Variants in CES3 observed in about 807,000 individuals in gnomAD.
The protein encoded by CES3 is carboxylesterase 3, also known as carboxylesterase 3 (brain).
A neutral mutation model predicts 57.6 loss-of-function variants in CES3; 49 were observed. The observed-to-expected ratio is 0.85, with a 90% CI of 0.68 to 1.08. The LOEUF (loss-of-function observed/expected upper bound fraction) is 1.08. Ranked by LOEUF, CES3 falls within the 50% of genes least tolerant of loss-of-function variation. The pLI is 0.00. For missense variants in CES3, 645 were observed against 742.0 expected, an observed-to-expected ratio of 0.87 and a Z score of 1.52; for synonymous variants, 266 against 281.6, an observed-to-expected ratio of 0.94 and a Z score of 0.55.
rs1194030149 is a variant in CES3, at chr16:66,966,273, C to A, written c.849C>A (p.Ser283=). ...TCGCAAACACCTTGGCCTGCAGCTC[C>A]AGCTCCCCGGCTGAGATGGTGCAGT... ...QKIANTLACS[S]SSPAEMVQCL... The change falls in exon 7 of 13, where the codon TCC becomes TCA. Residue 283 remains serine (S), a synonymous_variant. Coordinates refer to ENST00000303334, the MANE Select transcript of CES3 (RefSeq NM_024922.6). 1 of 1,613,374 alleles carries A rather than the reference C, an allele frequency of 6.2e-7. No homozygotes were observed. The highest frequency in any genetic ancestry group is 8.5e-7 in the Non-Finnish European group (1 of 1,179,922).
Position 66,972,439 on chromosome 16 carries a change from G to A in CES3, c.1375G>A (p.Asp459Asn), listed in dbSNP as rs1963851453. ...GATCAAACCTGCCTGGGTGAAGGCT[G>A]ATCATGGGGCCGAGGGTGCTTTTGT... ...AKIKPAWVKA[D>N]HGAEGAFVFG... Residue 459 changes from aspartate to asparagine, a missense_variant, in exon 11 of 13, where the codon GAT becomes AAT. Coordinates refer to ENST00000303334, the MANE Select transcript of CES3 (RefSeq NM_024922.6). The A allele has an allele frequency of 1.2e-6, 2 of 1,614,146 alleles. No individual in the cohort carries two copies. The highest frequency in any genetic ancestry group is 8.5e-7 in the Non-Finnish European group (1 of 1,180,020).
chr16:66,967,721 C>T (rs1963757122), intron 8 of CES3: 25 of 984,886 alleles, frequency 2.5e-5, no homozygotes, highest in Non-Finnish European at 3.0e-5. Flanking sequence ...CATTGCACAC[C>T]CTAAGACAAA....
chr16:66,961,448 C>T (rs1963650499), intron 1 of CES3, 59 bp downstream of exon 1: 11 of 1,405,680 alleles, frequency 7.8e-6, no homozygotes, highest in Non-Finnish European at 1.1e-5. Context: ...AAGAGTGAGA[C>T]AGGGACAGGG....
Position 66,961,286 on chromosome 16 carries a change from T to C in CES3, c.-22T>C. 6.2e-7 allele frequency: 1 copy of C among 1,605,908 alleles called. No individual in the cohort carries two copies. ...ATCTTATTCCACCTTCTGAAGCTTC[T>C]GTCGAACCAGTTGTAAGGAGAATGG... On this transcript the variant is annotated 5_prime_UTR_variant, in exon 1 of 13. Transcript: ENST00000303334.
At position 66,972,337 on chromosome 16, in the gene CES3, T is replaced by C. The variant is rs1239449462; in HGVS notation, c.1292-19T>C. 6.4e-7 allele frequency: 1 copy of C among 1,570,342 alleles called. No homozygotes were observed. Among genetic ancestry groups the C allele is most frequent in the Non-Finnish European group, 8.6e-7 (1 of 1,157,156 alleles). On this transcript the variant is annotated intron_variant, in intron 10 of 12. Coordinates refer to ENST00000303334, the MANE Select transcript of CES3 (RefSeq NM_024922.6). ...TCAGGCCATGAGTGCCTAACTCCCA[T>C]CCCATCCTTTCTCTGTAGATTCTGG...
At chr16:66,969,985 A>T (rs1963803285) in intron 9 of CES3, among the ~76,000 whole-genome samples, 1 of 152,098 alleles carries the variant, frequency 6.6e-6, no homozygotes. Flanking sequence ...CATCGTCAAC[A>T]TGAAACTGCC....
At position 66,971,336 on chromosome 16, in the gene CES3, C is replaced by T. The variant is rs763380459; in HGVS notation, c.1291+17C>T. ...ACCTTCGAGGTAAGCCTGTCCCTGG[C>T]CACCTGCCCAACCCCTCCCACTTGG... On this transcript the variant is annotated intron_variant, in intron 10 of 12. Coordinates refer to ENST00000303334, the MANE Select transcript of CES3 (RefSeq NM_024922.6). The T allele has an allele frequency of 1.2e-6, 2 of 1,607,850 alleles. No homozygotes were observed. Among genetic ancestry groups the T allele is most frequent in the East Asian group, 2.2e-5 (1 of 44,738 alleles).
chr16:66,969,136 C>G (rs548038298), intron 8 of CES3, among the ~76,000 whole-genome samples: 1 of 150,892 alleles, frequency 6.6e-6, no homozygotes, highest in African/African-American at 2.4e-5. Context: ...CTGGGCCCGG[C>G]GGCTCATGCC....
rs144166705 is a variant in CES3, at chr16:66,972,934, G to A, written c.1601G>A (p.Arg534Gln). 34 of 1,614,006 alleles carry A rather than the reference G, an allele frequency of 2.1e-5. No homozygotes were observed. Among genetic ancestry groups the A allele is most frequent in the Admixed American group, 1.3e-4 (8 of 59,996 alleles). ...TATCTGGAGATCAACCCAGTGCCAC[G>A]GGCCGGACAGAAGTTCAGGGAGGCC... ...EQYLEINPVP[R>Q]AGQKFREAWM... Residue 534 changes from arginine to glutamine, a missense_variant, in exon 13 of 13, where the codon CGG (arginine) becomes CAG (glutamine). Arg to Gln is a conservative substitution (Grantham distance 43). Transcript: ENST00000303334.
chr16:66,969,538 T>C (rs1963793843), intron 8 of CES3, 141 bp from the exon 9 acceptor site: 1 of 716,260 alleles, frequency 1.4e-6, no homozygotes, highest in Non-Finnish European at 2.4e-6. Flanking sequence ...TTTGGATCTG[T>C]GGACTTTTCG....
In CES3 at chr16:66,972,687, G is replaced by A. The variant is rs377447761; in HGVS notation, c.1461G>A (p.Glu487=). The A allele has an allele frequency of 6.2e-7, 1 of 1,614,094 alleles. No individual in the cohort carries two copies. The highest frequency in any genetic ancestry group is 1.3e-5 in the African/African-American group (1 of 74,956). ...SSRLAFPEAT[E]EEKQLSLTMM... is the part of the protein sequence containing the mutation. ...TTCCAGCCTTTCCAGAGGCCACAGA[G>A]GAGGAGAAGCAGCTAAGCCTCACCA... The change falls in exon 12 of 13, where the codon GAG becomes GAA. Residue 487 remains glutamate (E), a synonymous_variant. Transcript: ENST00000303334.
chr16:66,972,549 T>C (rs1234479929), intron 11 of CES3, 44 bp downstream of exon 11: 9 of 1,605,798 alleles, frequency 5.6e-6, no homozygotes, highest in Non-Finnish European at 7.7e-6. Context: ...GCTGCCAGAC[T>C]CCAAGGGGCC....
rs369374312 is a variant in CES3 at position 66,966,509 on chromosome 16, C to T, written c.921+164C>T. On this transcript the variant is annotated intron_variant, in intron 7 of 12. Coordinates refer to ENST00000303334, the MANE Select transcript of CES3 (RefSeq NM_024922.6). ...GGAGACAGAAATGGAGGGCCATCTC[C>T]ATCCCCACAGCAGGCCTGTCTTCTA... 42 of 825,320 alleles carry T rather than the reference C, an allele frequency of 5.1e-5. No homozygotes were observed. The South Asian group carries it at 7.1e-4, about 14-fold the overall frequency. 51.1% of individuals were successfully genotyped at this position (825,320 alleles called of 1,614,324 possible).
In CES3 at chr16:66,972,739, C is replaced by T. The variant is rs780705221; in HGVS notation, c.1513C>T (p.Arg505Trp). 37 of 1,614,056 alleles carry T rather than the reference C, an allele frequency of 2.3e-5. No homozygotes were observed. Among genetic ancestry groups the T allele is most frequent in the Middle Eastern group, 1.6e-4 (1 of 6,084 alleles). The change falls in exon 12 of 13, where the codon CGG becomes TGG. Residue 505 changes from arginine (R) to tryptophan (W), a missense_variant. Coordinates refer to ENST00000303334, the MANE Select transcript of CES3 (RefSeq NM_024922.6). ...TMMAQWTHFA[R>W]TGDPNSKALP... ...GATGGCCCAGTGGACCCACTTTGCCCGGACAGGGTGAGTGAGTGACAGGGC... is the reference window on the plus strand; with the variant it reads ...GATGGCCCAGTGGACCCACTTTGCCTGGACAGGGTGAGTGAGTGACAGGGC...
intron 8 of CES3, chr16:66,967,698 T>A: frequency 1.0e-6 from 1 of 985,332 alleles, no homozygotes; most frequent in Non-Finnish European, 1.2e-6. Context: ...TTTTTTTTTT[T>A]TTCGTCTTGG....
Position 66,963,736 on chromosome 16 carries a change from G to A in CES3, c.427-66G>A. 3 of 1,609,912 alleles carry A rather than the reference G, an allele frequency of 1.9e-6. No homozygotes were observed. The highest frequency in any genetic ancestry group is 2.5e-6 in the Non-Finnish European group (3 of 1,176,686). On this transcript the variant is annotated intron_variant, in intron 3 of 12. Transcript: ENST00000303334. This position sits in a 1 kb window ranked among gnomAD's most constrained non-coding sequence, Gnocchi z 4.9. Reference sequence around the variant, plus strand: ...ACCCTAGCGGTCCTGAGACTGCCTGGGCTGGCAGGTGGGCAGCTAAGGTCT... The same window carrying A: ...ACCCTAGCGGTCCTGAGACTGCCTGAGCTGGCAGGTGGGCAGCTAAGGTCT...
intron 9 of CES3, 60 bp from the exon 10 acceptor site, chr16:66,971,112 T>C (rs1191307879): frequency 1.1e-5 from 17 of 1,545,844 alleles, no homozygotes; most frequent in Non-Finnish European, 1.4e-5. Flanking sequence ...TGGGGCTTCC[T>C]GGGATGGTCT....
At position 66,971,322 on chromosome 16, in the gene CES3, A is replaced by C. The variant is rs1378151802; in HGVS notation, c.1291+3A>C. 6.8e-6 allele frequency: 11 copies of C among 1,612,252 alleles called. No individual in the cohort carries two copies. The highest frequency in any genetic ancestry group is 8.5e-6 in the Non-Finnish European group (10 of 1,178,874). On this transcript the variant is annotated splice_donor_region_variant and intron_variant, in intron 10 of 12. Coordinates refer to ENST00000303334, the MANE Select transcript of CES3 (RefSeq NM_024922.6). Reference sequence around the variant, plus strand: ...CAGTTTTTCAAGATACCTTCGAGGTAAGCCTGTCCCTGGCCACCTGCCCAA... The same window carrying C: ...CAGTTTTTCAAGATACCTTCGAGGTCAGCCTGTCCCTGGCCACCTGCCCAA...
chr16:66,965,711 T>C (rs927337576), intron 6 of CES3, among the ~76,000 whole-genome samples: 2 of 152,104 alleles, frequency 1.3e-5, no homozygotes, highest in African/African-American at 2.4e-5. Flanking sequence ...AAGGCTGAGG[T>C]TGGCGGATCA....
Sources: allele counts gnomAD v4.1 joint callset (sites outside exome capture counted in the v4.1 genomes callset), GRCh38; gene constraint gnomAD v4.1.1; non-coding constraint Gnocchi (gnomAD v3.1); transcripts MANE v1.5; gene names NCBI Gene and HGNC (gene_info 2026-07-23, HGNC 2026-07-21).